MMP26: variants seen among roughly 807,000 people sequenced by gnomAD.
MMP26 encodes matrix metalloproteinase-26.
A neutral mutation model predicts 31.0 loss-of-function variants in MMP26; 33 were observed. The observed-to-expected ratio is 1.06, with a 90% CI of 0.81 to 1.42. The LOEUF (loss-of-function observed/expected upper bound fraction) is 1.42. MMP26 is among the 40% of genes most tolerant of loss of function. The pLI, the probability that MMP26 is intolerant of heterozygous loss-of-function variation, is 0.00. For missense variants in MMP26, 347 were observed against 316.1 expected (o/e 1.10, Z -0.74); for synonymous variants, 122 against 114.9 (o/e 1.06, Z -0.40).
chr11:4,757,378 C>CA (rs1848517600), intron 1 of MMP26, among the ~76,000 whole-genome samples: 1 of 151,716 alleles, frequency 6.6e-6, no homozygotes, highest in Admixed American at 6.6e-5. Context: ...TCAGAAACTT[C>CA]TAGAAAAAAA....
chr11:4,815,188 T>G (rs1276333477), intron 2 of MMP26, among the ~76,000 whole-genome samples: 1 of 152,208 alleles, frequency 6.6e-6, no homozygotes, highest in Non-Finnish European at 1.5e-5. Context: ...TTAGTCTGGC[T>G]CAGTGACTGC....
intron 1 of MMP26, among the ~76,000 whole-genome samples, chr11:4,750,554 C>T (rs976458242): frequency 7.9e-5 from 12 of 151,772 alleles, no homozygotes; most frequent in African/African-American, 2.9e-4. Flanking sequence ...ATAAAGAAAA[C>T]GTGGTGAGTG....
intron 1 of MMP26, among the ~76,000 whole-genome samples, chr11:4,717,492 A>G (rs942158374): frequency 6.6e-6 from 1 of 151,998 alleles, no homozygotes; most frequent in Non-Finnish European, 1.5e-5. Context: ...ACCAGTGGAT[A>G]TTACCTAAAT....
At chr11:4,720,410 G>A (rs1847994143) in intron 1 of MMP26, among the ~76,000 whole-genome samples, 1 of 152,172 alleles carries the variant, frequency 6.6e-6, no homozygotes, top group South Asian at 2.1e-4. Flanking sequence ...ATAATGCTAT[G>A]CTTGGACCTT....
chr11:4,896,826 T>G (rs1213862446), intron 2 of MMP26, among the ~76,000 whole-genome samples: 1 of 152,154 alleles, frequency 6.6e-6, no homozygotes, highest in Non-Finnish European at 1.5e-5. Context: ...CTGAATATGC[T>G]TTTTTCTTTT....
intron 2 of MMP26, chr11:4,915,515 A>C (rs1851071927): frequency 6.2e-7 from 1 of 1,614,018 alleles, no homozygotes; most frequent in Non-Finnish European, 8.5e-7. Flanking sequence ...GATAAAAAGA[A>C]TTGTGCAGTT....
At chr11:4,850,137 C>A (rs566243458) in intron 2 of MMP26, among the ~76,000 whole-genome samples, 96 of 152,254 alleles carry the variant, frequency 6.3e-4, no homozygotes, top group African/African-American at 2.1e-3. Flanking sequence ...CCTTGGCCCT[C>A]TTTATTTTCC....
chr11:4,794,683 T>C (rs1315813926), intron 2 of MMP26, among the ~76,000 whole-genome samples: 1 of 152,178 alleles, frequency 6.6e-6, no homozygotes, highest in Non-Finnish European at 1.5e-5. Flanking sequence ...TTTTGCAAGC[T>C]AGTAAACTCT....
chr11:4,832,098 G>C (rs2133481544), intron 2 of MMP26: 1 of 152,354 alleles, frequency 6.6e-6, no homozygotes, highest in South Asian at 2.1e-4. Flanking sequence ...TCTTTCTTTA[G>C]ACCCACGAGT....
intron 2 of MMP26, among the ~76,000 whole-genome samples, chr11:4,925,670 A>C (rs1019949490): frequency 2.6e-5 from 4 of 152,114 alleles, no homozygotes; most frequent in African/African-American, 9.7e-5. Context: ...GGCAGGTCAT[A>C]ATGTTAAAAC....
intron 2 of MMP26, among the ~76,000 whole-genome samples, chr11:4,937,215 C>G (rs149457015): frequency 6.6e-6 from 1 of 152,266 alleles, no homozygotes; most frequent in African/African-American, 2.4e-5. Context: ...TACTGAATAT[C>G]AAAAGTCATT....
At position 4,799,639 on chromosome 11, in the gene MMP26, G is replaced by T. The variant is rs558008299; in HGVS notation, c.-145+32298G>T. On this transcript the variant is annotated intron_variant, in intron 2 of 7. Transcript: ENST00000380390. ...CATCCTTTACCAATAGTCCCCCAAA[G>T]TCTTAACTCATTCCAGCAACAAGTC... is the stretch of plus-strand genomic sequence containing the variant. Among the ~76,000 whole-genome samples, 8 of 152,214 alleles carry T rather than the reference G, an allele frequency of 5.3e-5. No individual in the cohort carries two copies. In the South Asian group the frequency reaches 6.2e-4, roughly 12 times the overall value.
chr11:4,938,588 A>G (rs1846161641), intron 2 of MMP26, among the ~76,000 whole-genome samples: 1 of 152,146 alleles, frequency 6.6e-6, no homozygotes, highest in Non-Finnish European at 1.5e-5. Flanking sequence ...GCACTTAACA[A>G]TTCAAGACAA....
At chr11:4,959,887 A>G (rs972981561) in intron 2 of MMP26, among the ~76,000 whole-genome samples, 3 of 151,744 alleles carry the variant, frequency 2.0e-5, no homozygotes, top group Non-Finnish European at 4.4e-5. Context: ...GTGTATGTGT[A>G]TTCATTTTTC....
chr11:4,854,690 T>G (rs1313400130), intron 2 of MMP26, among the ~76,000 whole-genome samples: 1 of 152,238 alleles, frequency 6.6e-6, no homozygotes, highest in Non-Finnish European at 1.5e-5. Flanking sequence ...TAAATGTCCC[T>G]GTTTGACAGC....
At chr11:4,710,402 T>A (rs1261239247) in intron 1 of MMP26, 5 of 456,904 alleles carry the variant, frequency 1.1e-5, no homozygotes, top group Admixed American at 4.7e-5. Context: ...ACATGCTCAT[T>A]GCCAATGTTT....
chr11:4,770,072 A>C, intron 2 of MMP26: 1 of 586,792 alleles, frequency 1.7e-6, no homozygotes, highest in Non-Finnish European at 3.1e-6. Context: ...AAACCTTTAA[A>C]TTAAATTATA....
chr11:4,804,650 C>T (rs761121129), intron 2 of MMP26: 2 of 558,094 alleles, frequency 3.6e-6, no homozygotes, highest in African/African-American at 3.8e-5. Context: ...TTTTAAGAAT[C>T]AATATTTTTC....
rs145941768 is a variant in MMP26, at chr11:4,845,486, A to T, written c.-145+78145A>T. Among the ~76,000 whole-genome samples the T allele has an allele frequency of 7.6e-3, 1,157 of 152,256 alleles. 21 individuals are homozygous for T. Among genetic ancestry groups the T allele is most frequent in the African/African-American group, 0.024 (1,011 of 41,564 alleles). On this transcript the variant is annotated intron_variant, in intron 2 of 7. Transcript: ENST00000380390. The stretch of plus-strand genomic sequence containing the variant: ...AAACTACTACAGAAAACTTTGGGGA[A>T]ACTACTACAAAAAAACATTGGGGAA...
Sources: gnomAD v4.1 joint callset for allele counts (sites outside exome capture counted in the v4.1 genomes callset) on GRCh38, gnomAD v4.1.1 for gene constraint, MANE v1.5 for transcripts, NCBI Gene and HGNC (gene_info 2026-07-23, HGNC 2026-07-21) for gene names.